PGLYRP2: variants seen among roughly 807,000 people sequenced by gnomAD.
PGLYRP2 encodes peptidoglycan recognition protein 2.
A neutral mutation model predicts 46.2 loss-of-function variants in PGLYRP2; 38 were observed. The observed-to-expected ratio is 0.82, with a 90% CI of 0.64 to 1.08. PGLYRP2 has a LOEUF of 1.08. Ranked by LOEUF, PGLYRP2 falls within the 50% of genes least tolerant of loss-of-function variation. The pLI is 0.00. For missense variants in PGLYRP2, 713 were observed against 755.9 expected (o/e 0.94, Z 0.67); for synonymous variants, 289 against 329.4 (o/e 0.88, Z 1.33).
At position 15,470,002 on chromosome 19, in the gene PGLYRP2, G is replaced by A. The variant is rs2145513700; in HGVS notation, c.1344-73C>T. On this transcript the variant is annotated intron_variant, in intron 3 of 4. Transcript: ENST00000340880. ...CGGGCCCTTATCCGCTCCCCTCCCC[G>A]ATTCTGTTGGTGTGCCAAGGGCCAC... The A allele has an allele frequency of 6.8e-6, 9 of 1,321,844 alleles. No homozygotes were observed. The South Asian group carries it at 1.2e-4, about 18-fold the overall frequency. 81.9% of individuals were successfully genotyped at this position (1,321,844 alleles called of 1,614,324 possible).
rs753831814 is a variant in PGLYRP2, at chr19:15,469,879, C to A, written c.1394G>T (p.Trp465Leu). 6.7e-7 allele frequency: 1 copy of A among 1,484,556 alleles called. No homozygotes were observed. Among genetic ancestry groups the A allele is most frequent in the Non-Finnish European group, 8.9e-7 (1 of 1,127,504 alleles). 92.0% of individuals were successfully genotyped at this position (1,484,556 alleles called of 1,614,324 possible). ...GTGGCCGAGCGTGTGGGCGCCCACC[C>A]AGTGCCAGCCGCGTCCCTCGTACAC... The part of the protein sequence containing the change: ...GYVYEGRGWH[W>L]VGAHTLGHNS... The change falls in exon 4 of 5, where the codon TGG (tryptophan) becomes TTG (leucine). Residue 465 changes from tryptophan to leucine, a missense_variant. Physicochemically the swap from Trp to Leu is moderately conservative, Grantham distance 61. Transcript: ENST00000340880. This position sits in a 1 kb window ranked among gnomAD's most constrained non-coding sequence, Gnocchi z 4.9.
Position 15,476,590 on chromosome 19 carries a change from A to C in PGLYRP2, c.80T>G (p.Met27Arg). ...DPGTASLPLLMDSVIQALAEL... is the reference protein window; with the variant it reads ...DPGTASLPLLRDSVIQALAEL... ...AGCCAGGGCCTGGATGACAGAGTCC[A>C]TGAGCAGGGGCAGGGAGGCTGCAGG... is the stretch of plus-strand genomic sequence containing the variant. The change falls in exon 2 of 5, where the codon ATG becomes AGG. Residue 27 changes from methionine to arginine, a missense_variant. By Grantham distance (91) the Met-to-Arg change is moderately conservative. Coordinates refer to ENST00000340880, the MANE Select transcript of PGLYRP2 (RefSeq NM_052890.4). The C allele has an allele frequency of 1.9e-6, 3 of 1,606,108 alleles. No homozygotes were observed. Among genetic ancestry groups the C allele is most frequent in the Non-Finnish European group, 2.6e-6 (3 of 1,176,004 alleles).
intron 1 of PGLYRP2, among the ~76,000 whole-genome samples, chr19:15,478,589 G>A (rs898387461): frequency 6.6e-6 from 1 of 151,812 alleles, no homozygotes; most frequent in Non-Finnish European, 1.5e-5. Context: ...ACCTGCCTAA[G>A]GTCACACAGG....
At chr19:15,468,873 G>T in intron 4 of PGLYRP2, 121 bp from the exon 5 acceptor site, 2 of 673,086 alleles carry the variant, frequency 3.0e-6, no homozygotes, top group Non-Finnish European at 5.1e-6. Context: ...AGAGAGTGAG[G>T]ACAAAGCCAA....
At chr19:15,478,634 T>G (rs1297586915) in intron 1 of PGLYRP2, among the ~76,000 whole-genome samples, 1 of 150,676 alleles carries the variant, frequency 6.6e-6, no homozygotes, top group East Asian at 1.9e-4. Context: ...GCCTTTGTTT[T>G]TTTTTTTTTT....
rs756474849 is a variant in PGLYRP2, at chr19:15,476,036, G to A, written c.634C>T (p.Pro212Ser). ...GCCAGGAGGCTGTCCACCATGGTCG[G>A]TGGGGACTTGGCTTTGGCATCTGGC... is the stretch of plus-strand genomic sequence containing the variant. ...SLPDAKAKSP[P>S]TMVDSLLAVT... Residue 212 changes from proline (P) to serine (S), a missense_variant, in exon 2 of 5, where the codon CCG becomes TCG. Physicochemically the swap from Pro to Ser is moderately conservative, Grantham distance 74. Coordinates refer to ENST00000340880, the MANE Select transcript of PGLYRP2 (RefSeq NM_052890.4). 2.7e-5 allele frequency: 44 copies of A among 1,614,086 alleles called. No individual in the cohort carries two copies. The highest frequency in any genetic ancestry group is 3.5e-5 in the Non-Finnish European group (41 of 1,180,050).
chr19:15,477,558 C>A (rs192530284), intron 1 of PGLYRP2, among the ~76,000 whole-genome samples: 1 of 151,386 alleles, frequency 6.6e-6, no homozygotes, highest in Non-Finnish European at 1.5e-5. Flanking sequence ...ATTAGCTGGG[C>A]ATGGTGGCAC....
chr19:15,472,416 C>A (rs1357405435), intron 2 of PGLYRP2, among the ~76,000 whole-genome samples: 1 of 151,724 alleles, frequency 6.6e-6, no homozygotes, highest in East Asian at 1.9e-4. Flanking sequence ...ATGGTGAAAC[C>A]CGGTCTCTAC....
chr19:15,472,990 T>G lies in PGLYRP2; in HGVS notation c.1133-890A>C, dbSNP rs75323095. Among the ~76,000 whole-genome samples, 1,287 of 151,990 alleles carry G rather than the reference T, an allele frequency of 8.5e-3. 20 individuals carry two copies. The highest frequency in any genetic ancestry group is 0.029 in the African/African-American group (1,221 of 41,432). On this transcript the variant is annotated intron_variant, in intron 2 of 4. Transcript: ENST00000340880. ...TTACAAAAATAGACACATAGACCAA[T>G]GGAATGAAATAGAGAACCCAGAAGT...
rs1389395023 is a variant in PGLYRP2 at position 15,471,958 on chromosome 19, G to T, written c.1275C>A (p.Cys425Ter). 1 of 1,614,078 alleles carries T rather than the reference G, an allele frequency of 6.2e-7. No homozygotes were observed. Among genetic ancestry groups the T allele is most frequent in the Non-Finnish European group, 8.5e-7 (1 of 1,179,974 alleles). ...PAPPCTDFTR[C>*]AANMRSMQRY... ...GCTGCATGGAGCGCATGTTGGCTGC[G>T]CAGCGCGTGAAGTCCGTGCAGGGTG... The change falls in exon 3 of 5, where the codon TGC becomes TGA. Residue 425 changes from cysteine to a stop codon, truncating the protein, a stop_gained. Coordinates refer to ENST00000340880, the MANE Select transcript of PGLYRP2 (RefSeq NM_052890.4). LOFTEE classifies it high-confidence loss of function.
At chr19:15,471,330 G>A (rs1029373734) in intron 3 of PGLYRP2, among the ~76,000 whole-genome samples, 5 of 151,392 alleles carry the variant, frequency 3.3e-5, no homozygotes, top group African/African-American at 1.2e-4. Flanking sequence ...TAGCCAGGAT[G>A]GTCTCAATCT....
Position 15,471,962 on chromosome 19 carries a change from C to A in PGLYRP2, c.1271G>T (p.Arg424Leu), listed in dbSNP as rs1379477451. 4 of 1,613,954 alleles carry A rather than the reference C, an allele frequency of 2.5e-6. No individual in the cohort carries two copies. Among genetic ancestry groups the A allele is most frequent in the Non-Finnish European group, 3.4e-6 (4 of 1,179,976 alleles). ...VPAPPCTDFTRCAANMRSMQR... is the reference protein window; with the variant it reads ...VPAPPCTDFTLCAANMRSMQR... ...CATGGAGCGCATGTTGGCTGCGCAG[C>A]GCGTGAAGTCCGTGCAGGGTGGTGC... Residue 424 changes from arginine to leucine, a missense_variant, in exon 3 of 5, where the codon CGC (arginine) becomes CTC (leucine). Arg to Leu is a moderately radical substitution (Grantham distance 102). Transcript: ENST00000340880.
Position 15,469,963 on chromosome 19 carries a change from G to T in PGLYRP2, c.1344-34C>A, listed in dbSNP as rs776430860. On this transcript the variant is annotated intron_variant, in intron 3 of 4. Coordinates refer to ENST00000340880, the MANE Select transcript of PGLYRP2 (RefSeq NM_052890.4). The surrounding 1 kb of genome is among the most constrained non-coding windows in gnomAD (Gnocchi z 4.9). ...GGGAGGGAGAAGCAAGCACCATGCG[G>T]CGTGAGGGGGACCCGGGCCCTTATC... 1.4e-6 allele frequency: 2 copies of T among 1,386,798 alleles called. No individual in the cohort carries two copies. Among genetic ancestry groups the T allele is most frequent in the African/African-American group, 3.0e-5 (2 of 66,656 alleles). The allele number at this position is 1,386,798 out of a possible 1,614,324, so 85.9% of individuals were successfully genotyped here. A position where few individuals can be genotyped will look rare whatever the true frequency, so the allele number is the denominator to read the frequency against.
At chr19:15,470,554 T>C (rs1293962444) in intron 3 of PGLYRP2, among the ~76,000 whole-genome samples, 1 of 150,912 alleles carries the variant, frequency 6.6e-6, no homozygotes, top group African/African-American at 2.4e-5. Flanking sequence ...TTATCTGCCC[T>C]CCTCGGCCTC....
rs1568342826 is a variant in PGLYRP2 at position 15,477,710 on chromosome 19, A to AT, written c.62-1103dup. Among the ~76,000 whole-genome samples the AT allele has an allele frequency of 4.8e-3, 238 of 49,534 alleles. 1 individual carries two copies. Among genetic ancestry groups the AT allele is most frequent in the African/African-American group, 0.018 (223 of 12,396 alleles). The allele number at this position is 49,534 out of a possible 152,430, so 32.5% of individuals were successfully genotyped here. On this transcript the variant is annotated intron_variant, in intron 1 of 4. Transcript: ENST00000340880. ...GAGACTCCATCATAAAATAAAATAA[A>AT]TAAAATAAAATTAAATTAAAATAAA...
rs71176418 is a variant in PGLYRP2 at position 15,471,103 on chromosome 19, C to CTTTTT, written c.1343+782_1343+786dup. On this transcript the variant is annotated intron_variant, in intron 3 of 4. Transcript: ENST00000340880. ...TACAGGCGCGCAACACCATGCCCAG[C>CTTTTT]TTTTTTTTTTTTTTTTTTTTTTTTT... 4.7e-4 allele frequency among the ~76,000 whole-genome samples: 37 copies of CTTTTT among 79,464 alleles called. 4 individuals are homozygous for CTTTTT. The highest frequency in any genetic ancestry group is 1.8e-3 in the African/African-American group (30 of 16,490). 52.1% of individuals were successfully genotyped at this position (79,464 alleles called of 152,430 possible).
chr19:15,471,970 G>A lies in PGLYRP2; in HGVS notation c.1263C>T (p.Asp421=), dbSNP rs769430433. 11 of 1,614,086 alleles carry A rather than the reference G, an allele frequency of 6.8e-6. No homozygotes were observed. Among genetic ancestry groups the A allele is most frequent in the Non-Finnish European group, 9.3e-6 (11 of 1,179,974 alleles). The change falls in exon 3 of 5, where the codon GAC becomes GAT. Residue 421 remains aspartate, a synonymous_variant. Transcript: ENST00000340880. ...GCATGTTGGCTGCGCAGCGCGTGAA[G>A]TCCGTGCAGGGTGGTGCAGGCACGT... ...HTYVPAPPCT[D]FTRCAANMRS...
In PGLYRP2 at chr19:15,471,911, C is replaced by A. The variant is rs1970753049; in HGVS notation, c.1322G>T (p.Gly441Val). 1 of 1,614,030 alleles carries A rather than the reference C, an allele frequency of 6.2e-7. No individual in the cohort carries two copies. The highest frequency in any genetic ancestry group is 1.7e-5 in the Admixed American group (1 of 60,018). ...CTACCTGTAGCCGATGTCTCCCCAG[C>A]CTTGCGTGTCCTGGTGGTAGCGCTG... ...SMQRYHQDTQ[G>V]WGDIGYSFVV... Residue 441 changes from glycine (G) to valine (V), a missense_variant, in exon 3 of 5, where the codon GGC (glycine) becomes GTC (valine). Gly to Val is a moderately radical substitution (Grantham distance 109, BLOSUM62 -3). Transcript: ENST00000340880.
intron 2 of PGLYRP2, among the ~76,000 whole-genome samples, chr19:15,475,266 T>C (rs4808309): frequency 0.32 from 48,307 of 152,010 alleles, 7,773 homozygotes; most frequent in Middle Eastern, 0.44. Context: ...TTGACCACTA[T>C]GCAATCTATG....
Sources: gnomAD v4.1 joint callset for allele counts (sites outside exome capture counted in the v4.1 genomes callset) on GRCh38, gnomAD v4.1.1 for gene constraint, Gnocchi (gnomAD v3.1) non-coding constraint, MANE v1.5 for transcripts, NCBI Gene and HGNC (gene_info 2026-07-23, HGNC 2026-07-21) for gene names.